The following BTRC variants were observed in gnomAD, a reference collection of about 807,000 sequenced individuals.
BTRC encodes the protein F-box/WD repeat-containing protein 1A.
Under a neutral mutation model 85.5 loss-of-function variants are expected in BTRC, and 42 were observed. That is an observed-to-expected ratio of 0.49 (90% confidence interval 0.38 to 0.64). The LOEUF (loss-of-function observed/expected upper bound fraction) is 0.64. BTRC is among the 30% of genes least tolerant of loss of function. The probability of loss-of-function intolerance (pLI) is 0.00; values close to 1 mark genes in which losing one functional copy is unlikely to be tolerated. For missense variants in BTRC, 594 were observed against 743.5 expected (o/e 0.80, Z 2.34); for synonymous variants, 255 against 263.3 (o/e 0.97, Z 0.30).
chr10:101,437,778 G>A (rs1461729374), intron 2 of BTRC, among the ~76,000 whole-genome samples: 2 of 152,268 alleles, frequency 1.3e-5, no homozygotes, highest in East Asian at 3.9e-4. Context: ...AAATTTTGCA[G>A]TTCCCCAAAG....
chr10:101,354,221 A>G lies in BTRC; in HGVS notation c.41A>G (p.Lys14Arg). The G allele has an allele frequency of 6.5e-7, 1 of 1,549,086 alleles. No individual in the cohort carries two copies. Among genetic ancestry groups the G allele is most frequent in the Non-Finnish European group, 8.7e-7 (1 of 1,146,624 alleles). The change falls in exon 1 of 15, where the codon AAG (lysine) becomes AGG (arginine). Residue 14 changes from lysine (K) to arginine (R), a missense_variant. This residue lies in a region of BTRC where 163 missense variants were observed against 180.5 expected (regional missense o/e 0.90). Coordinates refer to ENST00000370187, the MANE Select transcript of BTRC (RefSeq NM_033637.4). ...GCGGTGCTGCAAGAGAAGGCACTCAAGTTTATGGTGAGGAGACGGTGGAGG... is the reference window on the plus strand; with the variant it reads ...GCGGTGCTGCAAGAGAAGGCACTCAGGTTTATGGTGAGGAGACGGTGGAGG... ...AEAVLQEKALKFMCSMPRSLW... is the reference protein window; with the variant it reads ...AEAVLQEKALRFMCSMPRSLW...
At chr10:101,460,237 A>G (rs1291117690) in intron 2 of BTRC, among the ~76,000 whole-genome samples, 1 of 152,162 alleles carries the variant, frequency 6.6e-6, no homozygotes, top group Non-Finnish European at 1.5e-5. Flanking sequence ...TTAAAAAAAA[A>G]AAGTTAAACA....
chr10:101,419,872 C>G (rs1944051263), intron 1 of BTRC, among the ~76,000 whole-genome samples: 1 of 152,122 alleles, frequency 6.6e-6, no homozygotes, highest in African/African-American at 2.4e-5. Context: ...TCATTGAGCA[C>G]CTCAAGAAGA....
At position 101,531,264 on chromosome 10, in the gene BTRC, T is replaced by A; in HGVS notation, c.771T>A (p.Pro257=). 6.2e-7 allele frequency: 1 copy of A among 1,609,584 alleles called. No homozygotes were observed. The highest frequency in any genetic ancestry group is 1.1e-5 in the South Asian group (1 of 90,888). The change falls in exon 7 of 15, where the codon CCT becomes CCA. Residue 257 remains proline (P), a synonymous_variant. Transcript: ENST00000370187. ...GWGQYLFKNK[P]PDGNAPPNSF... is the part of the protein sequence containing the mutation. The stretch of plus-strand genomic sequence containing the variant: ...GACAGTATTTATTCAAAAACAAACC[T>A]CCTGACGGGAATGCTCCTCCCAACT...
At chr10:101,462,631 A>G (rs1945257998) in intron 3 of BTRC, among the ~76,000 whole-genome samples, 1 of 148,518 alleles carries the variant, frequency 6.7e-6, no homozygotes, top group Non-Finnish European at 1.5e-5. Flanking sequence ...GTGAGCTGAG[A>G]TTGCGCCATT....
At chr10:101,441,812 C>T (rs939817130) in intron 2 of BTRC, among the ~76,000 whole-genome samples, 2 of 127,152 alleles carry the variant, frequency 1.6e-5, no homozygotes, top group South Asian at 2.5e-4. Flanking sequence ...ACCTGGGAGG[C>T]GGAGATAGCA....
intron 1 of BTRC, among the ~76,000 whole-genome samples, chr10:101,360,342 A>ACTAT (rs1942166473): frequency 6.8e-6 from 1 of 147,548 alleles, no homozygotes; most frequent in Non-Finnish European, 1.5e-5. Flanking sequence ...GGCGTGAGTC[A>ACTAT]CTATGCCTGG....
intron 4 of BTRC, among the ~76,000 whole-genome samples, chr10:101,510,520 A>C (rs907309413): frequency 2.5e-5 from 2 of 79,866 alleles, no homozygotes; most frequent in Non-Finnish European, 3.5e-5. Flanking sequence ...AAAAAAAAAC[A>C]AAAAAAAAAG....
At chr10:101,408,959 C>T (rs1381635267) in intron 1 of BTRC, among the ~76,000 whole-genome samples, 3 of 152,060 alleles carry the variant, frequency 2.0e-5, no homozygotes, top group African/African-American at 7.2e-5. Flanking sequence ...TGAGGCAGGG[C>T]AATCGCTTGA....
chr10:101,550,676 C>G, intron 13 of BTRC, 23 bp from the exon 14 acceptor site: 1 of 1,604,188 alleles, frequency 6.2e-7, no homozygotes, highest in Non-Finnish European at 8.5e-7. Flanking sequence ...AAGTTCCTAC[C>G]CTTTTTGTTT....
At chr10:101,516,944 A>G (rs1332341297) in intron 4 of BTRC, among the ~76,000 whole-genome samples, 1 of 152,220 alleles carries the variant, frequency 6.6e-6, no homozygotes, top group Non-Finnish European at 1.5e-5. Context: ...AAAGGCAAAT[A>G]TATAAAAAAT....
chr10:101,503,892 A>T (rs1946451934), intron 4 of BTRC, among the ~76,000 whole-genome samples: 1 of 152,240 alleles, frequency 6.6e-6, no homozygotes, highest in South Asian at 2.1e-4. Context: ...TTGAAGGATT[A>T]GAGCACAAAG....
intron 4 of BTRC, among the ~76,000 whole-genome samples, chr10:101,497,238 A>G (rs1180525050): frequency 6.6e-6 from 1 of 152,192 alleles, no homozygotes; most frequent in East Asian, 1.9e-4. Context: ...GAACTCTGAT[A>G]GTAAGTGCCC....
At chr10:101,542,733 A>G (rs904371323) in intron 13 of BTRC, among the ~76,000 whole-genome samples, 1 of 152,058 alleles carries the variant, frequency 6.6e-6, no homozygotes, top group African/African-American at 2.4e-5. Flanking sequence ...CACCACGTCC[A>G]GCTAATTTTT....
At position 101,388,700 on chromosome 10, in the gene BTRC, A is replaced by C. The variant is rs548575360; in HGVS notation, c.48+34472A>C. Among the ~76,000 whole-genome samples, 13 of 151,908 alleles carry C rather than the reference A, an allele frequency of 8.6e-5. No homozygotes were observed. The East Asian group carries it at 2.5e-3, about 29-fold the overall frequency. On this transcript the variant is annotated intron_variant, in intron 1 of 14. Coordinates refer to ENST00000370187, the MANE Select transcript of BTRC (RefSeq NM_033637.4). ...GAGGTGGGGTTTTGCCATGTTGCCT[A>C]GGCTAGTCTTGAACTCCTGGCCTCA...
intron 5 of BTRC, among the ~76,000 whole-genome samples, chr10:101,524,584 G>A (rs2062163486): frequency 6.6e-6 from 1 of 152,056 alleles, no homozygotes; most frequent in South Asian, 2.1e-4. Flanking sequence ...TGGAGTGTTA[G>A]GTGAAATTAC....
At chr10:101,471,459 T>C (rs1945522584) in intron 3 of BTRC, among the ~76,000 whole-genome samples, 1 of 152,228 alleles carries the variant, frequency 6.6e-6, no homozygotes, top group Non-Finnish European at 1.5e-5. Flanking sequence ...GCCCCCGTTA[T>C]TCTGTTAATA....
At chr10:101,397,878 A>T (rs1475315087) in intron 1 of BTRC, among the ~76,000 whole-genome samples, 1 of 152,224 alleles carries the variant, frequency 6.6e-6, no homozygotes, top group East Asian at 1.9e-4. Flanking sequence ...AGTGTGAATA[A>T]ATTTATTTTA....
intron 2 of BTRC, among the ~76,000 whole-genome samples, chr10:101,459,904 G>A (rs1434596969): frequency 6.6e-6 from 1 of 152,112 alleles, no homozygotes; most frequent in Non-Finnish European, 1.5e-5. Flanking sequence ...GAGTTTGCCA[G>A]CAATTGTGTA....
Sources: gnomAD v4.1 joint callset for allele counts (sites outside exome capture counted in the v4.1 genomes callset) on GRCh38, gnomAD v4.1.1 for gene constraint, gnomAD v4.1.1 regional missense constraint, MANE v1.5 for transcripts, NCBI Gene and HGNC (gene_info 2026-07-23, HGNC 2026-07-21) for gene names.